Variants in NCOA2 observed in about 807,000 individuals in gnomAD.
The protein encoded by NCOA2 is nuclear receptor coactivator 2, also known as class E basic helix-loop-helix protein 75.
A neutral mutation model predicts 145.1 loss-of-function variants in NCOA2; 21 were observed. The observed-to-expected ratio is 0.14, with a 90% confidence interval of 0.10 to 0.21. NCOA2 has a LOEUF of 0.21. Among genes scored for constraint, NCOA2 ranks in the 10% least tolerant of loss-of-function variants. The pLI, the probability that NCOA2 is intolerant of heterozygous loss-of-function variation, is 1.00. For missense variants in NCOA2, 1,472 were observed against 1,837.6 expected, an observed-to-expected ratio of 0.80 and a Z score of 3.64; for synonymous variants, 619 against 637.5, an observed-to-expected ratio of 0.97 and a Z score of 0.44.
chr8:70,179,396 A>C (rs1328493454), intron 4 of NCOA2, among the ~76,000 whole-genome samples: 1 of 152,138 alleles, frequency 6.6e-6, no homozygotes, highest in East Asian at 1.9e-4. Context: ...TGTTCAGTTG[A>C]GCCTTGATAT....
intron 2 of NCOA2, among the ~76,000 whole-genome samples, chr8:70,243,831 TA>T (rs1286056878): frequency 7.3e-5 from 11 of 150,690 alleles, no homozygotes; most frequent in Non-Finnish European, 1.6e-4. Flanking sequence ...ATACGATAGT[TA>T]AAAAAAATCC....
At chr8:70,157,307 T>C in intron 10 of NCOA2, 67 bp from the exon 11 acceptor site, 1 of 1,406,096 alleles carries the variant, frequency 7.1e-7, no homozygotes, top group Non-Finnish European at 9.5e-7. Flanking sequence ...GTTATTAATT[T>C]TTAAAAATGA....
At chr8:70,416,691 T>C in the NCOA2 span, among the ~76,000 whole-genome samples, 1 of 152,190 alleles carries the variant, frequency 6.6e-6, no homozygotes, top group Non-Finnish European at 1.5e-5. Context: ...AGTCCAAGAC[T>C]GAGGGGCCAG....
intron 22 of NCOA2, among the ~76,000 whole-genome samples, 182 bp downstream of exon 22, chr8:70,121,120 G>C (rs1168939590): frequency 6.6e-6 from 1 of 152,154 alleles, no homozygotes; most frequent in East Asian, 1.9e-4. Context: ...CATTAGCTGA[G>C]TTAAAATGAG....
rs1813182667 is a variant in NCOA2, at chr8:70,162,869, C to T, written c.833-15G>A. ...CGTGATCTTGCCTATTAAGTAACAG[C>T]AGGCATTATACCTACATGTTGATCT... On this transcript the variant is annotated splice_polypyrimidine_tract_variant and intron_variant, in intron 8 of 22. Coordinates refer to ENST00000452400, the MANE Select transcript of NCOA2 (RefSeq NM_006540.4). 2 of 1,601,922 alleles carry T rather than the reference C, an allele frequency of 1.2e-6. No homozygotes were observed. Among genetic ancestry groups the T allele is most frequent in the Non-Finnish European group, 1.7e-6 (2 of 1,173,854 alleles).
In NCOA2 at chr8:70,128,481, G is replaced by T; in HGVS notation, c.3633C>A (p.Ser1211Arg). Residue 1211 changes from serine (S) to arginine (R), a missense_variant, in exon 18 of 23, where the codon AGC becomes AGA. Physicochemically the swap from Ser to Arg is moderately radical, Grantham distance 110 (BLOSUM62 -1). Coordinates refer to ENST00000452400, the MANE Select transcript of NCOA2 (RefSeq NM_006540.4). ...GAGTCAAGTTCACATTGGAAACATT[G>T]CTGATTTGATTCATAAGTGGCTGGC... ...QNRQPLMNQI[S>R]NVSNVNLTLR... 6.2e-7 allele frequency: 1 copy of T among 1,613,052 alleles called. No homozygotes were observed. Among genetic ancestry groups the T allele is most frequent in the Non-Finnish European group, 8.5e-7 (1 of 1,179,506 alleles).
intron 1 of NCOA2, among the ~76,000 whole-genome samples, chr8:70,385,102 A>AGTG (rs1812538910): frequency 1.3e-5 from 2 of 152,196 alleles, no homozygotes; most frequent in African/African-American, 2.4e-5. Context: ...CCTGACCATA[A>AGTG]ATAATCCTGA....
At chr8:70,186,300 T>C (rs1175100548) in intron 4 of NCOA2, among the ~76,000 whole-genome samples, 1 of 152,202 alleles carries the variant, frequency 6.6e-6, no homozygotes, top group Non-Finnish European at 1.5e-5. Flanking sequence ...AGAAACAGAT[T>C]CTGTTCAAAT....
intron 1 of NCOA2, among the ~76,000 whole-genome samples, chr8:70,308,424 TATGAA>T (rs1409138629): frequency 1.3e-5 from 2 of 152,110 alleles, no homozygotes; most frequent in Non-Finnish European, 2.9e-5. Flanking sequence ...AGTTATCTAC[TATGAA>T]ATGAGGTGTG....
intron 2 of NCOA2, among the ~76,000 whole-genome samples, chr8:70,272,194 TTTC>T (rs929969108): frequency 2.6e-4 from 39 of 152,208 alleles, no homozygotes; most frequent in African/African-American, 3.6e-4. Context: ...TTTTTCACTT[TTTC>T]TTCTTCTTTT....
Position 70,126,849 on chromosome 8 carries a change from C to G in NCOA2, c.3880G>C (p.Ala1294Pro). ...GGAAATGGAAACTGCTGTGCATTTGCCTGGGGAATCCGAGGGTTGCTCATA... is the reference window on the plus strand; with the variant it reads ...GGAAATGGAAACTGCTGTGCATTTGGCTGGGGAATCCGAGGGTTGCTCATA... ...ATMSNPRIPQ[A>P]NAQQFPFPPN... The change falls in exon 19 of 23, where the codon GCA becomes CCA. Residue 1294 changes from alanine to proline, a missense_variant. By Grantham distance (27) the Ala-to-Pro change is conservative. Transcript: ENST00000452400. The G allele has an allele frequency of 6.2e-7, 1 of 1,613,932 alleles. No individual in the cohort carries two copies. Among genetic ancestry groups the G allele is most frequent in the Non-Finnish European group, 8.5e-7 (1 of 1,179,882 alleles).
At chr8:70,419,897 T>C in the NCOA2 span, among the ~76,000 whole-genome samples, 1 of 152,256 alleles carries the variant, frequency 6.6e-6, no homozygotes, top group Non-Finnish European at 1.5e-5. Context: ...AAACTTGATT[T>C]AGGTATAATG....
At chr8:70,422,619 T>C in the NCOA2 span, among the ~76,000 whole-genome samples, 60,011 of 151,510 alleles carry the variant, frequency 0.4, 12,393 homozygotes, top group South Asian at 0.57. Flanking sequence ...CTATGTTGCC[T>C]AGGATGATCT....
the NCOA2 span, among the ~76,000 whole-genome samples, chr8:70,411,293 GA>G: frequency 1.3e-5 from 2 of 152,054 alleles, no homozygotes; most frequent in Non-Finnish European, 2.9e-5. Context: ...GATAAAAGGG[GA>G]AAAAATGGCA....
chr8:70,415,888 A>C, the NCOA2 span, among the ~76,000 whole-genome samples: 34 of 152,232 alleles, frequency 2.2e-4, no homozygotes, highest in Non-Finnish European at 4.3e-4. Context: ...GTTGCATTTG[A>C]AATCCCATCT....
the NCOA2 span, chr8:70,424,309 G>T: frequency 5.4e-6 from 2 of 371,952 alleles, no homozygotes; most frequent in Non-Finnish European, 1.0e-5. Flanking sequence ...ATAGTTTCCA[G>T]CCTTTCCATC....
chr8:70,120,747 A>G (rs992556465), intron 22 of NCOA2, among the ~76,000 whole-genome samples: 1 of 152,008 alleles, frequency 6.6e-6, no homozygotes, highest in African/African-American at 2.4e-5. Context: ...ACAAAACAAA[A>G]AAACAAAACA....
chr8:70,134,343 A>G (rs1257690335), intron 15 of NCOA2, among the ~76,000 whole-genome samples: 1 of 152,212 alleles, frequency 6.6e-6, no homozygotes, highest in East Asian at 1.9e-4. Flanking sequence ...GAGTTCCATG[A>G]AAGAGTTCAA....
chr8:70,175,681 G>C (rs1814751941), intron 4 of NCOA2, among the ~76,000 whole-genome samples: 1 of 152,162 alleles, frequency 6.6e-6, no homozygotes, highest in Non-Finnish European at 1.5e-5. Flanking sequence ...ACCAAAAAAA[G>C]TTTACAGCAT....
Sources: gnomAD v4.1 joint callset for allele counts (sites outside exome capture counted in the v4.1 genomes callset) on GRCh38, gnomAD v4.1.1 for gene constraint, MANE v1.5 for transcripts, NCBI Gene and HGNC (gene_info 2026-07-23, HGNC 2026-07-21) for gene names.